Variants in LHFPL1 observed in about 807,000 individuals in gnomAD.
LHFPL1 encodes LHFPL tetraspan subfamily member 1 protein.
LHFPL1 carries 4 observed loss-of-function variants against 12.1 expected under a neutral mutation model. The observed-to-expected ratio is 0.33, with a 90% CI of 0.16 to 0.76. LHFPL1 has a LOEUF of 0.76. LHFPL1 is among the 30% of genes least tolerant of loss of function. The pLI, the probability that LHFPL1 is intolerant of heterozygous loss-of-function variation, is 0.61. For missense variants in LHFPL1, 141 were observed against 174.1 expected, an observed-to-expected ratio of 0.81 and a Z score of 1.07; for synonymous variants, 52 against 61.9, an observed-to-expected ratio of 0.84 and a Z score of 0.75.
chrX:112,645,606 T>G (rs1247085648), intron 3 of LHFPL1, among the ~76,000 whole-genome samples: 1 of 111,762 alleles, frequency 8.9e-6, no homozygotes, highest in Non-Finnish European at 1.9e-5. Context: ...AATGTAGCTA[T>G]GCAAAAGCCC....
intron 3 of LHFPL1, 52 bp downstream of exon 3, chrX:112,660,575 G>T: frequency 9.7e-7 from 1 of 1,035,858 alleles, no homozygotes; most frequent in Non-Finnish European, 1.4e-6. Context: ...AAAGCACTTT[G>T]GAAAACACAT....
intron 3 of LHFPL1, among the ~76,000 whole-genome samples, chrX:112,657,968 G>A (rs1049432190): frequency 9.2e-6 from 1 of 108,271 alleles, no homozygotes; most frequent in East Asian, 2.9e-4. Flanking sequence ...AATTATTTTT[G>A]TACTTCAAAG....
chrX:112,638,372 G>A (rs1022121004), intron 3 of LHFPL1, among the ~76,000 whole-genome samples: 1 of 111,388 alleles, frequency 9.0e-6, no homozygotes, highest in Non-Finnish European at 1.9e-5. Context: ...TGACCTGGGG[G>A]CCTTGATGGC....
chrX:112,657,317 T>C (rs188418429), intron 3 of LHFPL1, among the ~76,000 whole-genome samples: 2 of 112,166 alleles, frequency 1.8e-5, no homozygotes, highest in East Asian at 5.6e-4. Context: ...GAAAGTCATC[T>C]CAGGTTCATG....
At chrX:112,655,853 G>A (rs745312280) in intron 3 of LHFPL1, among the ~76,000 whole-genome samples, 12 of 111,840 alleles carry the variant, frequency 1.1e-4, no homozygotes, top group Non-Finnish European at 1.7e-4. Context: ...ACAAGCATGA[G>A]CCACTGCACT....
At position 112,671,021 on chromosome X, in the gene LHFPL1, GC is replaced by G; in HGVS notation, c.369del (p.Gln124SerfsTer7). Reference sequence around the variant, plus strand: ...AGCACAGTCTTACCTCCAACAAACTGCGCTGCTCCCATGCAACGTCCCATCA... The same window carrying G: ...AGCACAGTCTTACCTCCAACAAACTGGCTGCTCCCATGCAACGTCCCATCA... ...SRMMGRCMGA[A>X]QFVGGLLISS... is the part of the protein sequence containing the mutation. On this transcript the variant is annotated frameshift_variant, in exon 2 of 4. Transcript: ENST00000371968. LOFTEE classifies it high-confidence loss of function. 1 of 1,209,428 alleles carries G rather than the reference GC, an allele frequency of 8.3e-7. No homozygotes were observed. Among genetic ancestry groups the G allele is most frequent in the Non-Finnish European group, 1.1e-6 (1 of 893,977 alleles).
intron 2 of LHFPL1, among the ~76,000 whole-genome samples, chrX:112,667,225 C>T (rs1306155667): frequency 8.9e-6 from 1 of 111,768 alleles, no homozygotes; most frequent in African/African-American, 3.3e-5. Context: ...AATATTAGGA[C>T]CTTACATGGA....
At chrX:112,678,314 T>A (rs1490117296) in intron 1 of LHFPL1, among the ~76,000 whole-genome samples, 1 of 111,593 alleles carries the variant, frequency 9.0e-6, no homozygotes, top group African/African-American at 3.3e-5. Flanking sequence ...TCCTATGATT[T>A]TAAAAGTGAG....
intron 3 of LHFPL1, among the ~76,000 whole-genome samples, chrX:112,639,317 G>A (rs1602666359): frequency 1.8e-5 from 2 of 111,389 alleles, no homozygotes; most frequent in African/African-American, 6.6e-5. Flanking sequence ...TCCTTTGCCA[G>A]AGAAGAAGAA....
At chrX:112,636,781 A>G (rs904447785) in intron 3 of LHFPL1, among the ~76,000 whole-genome samples, 5 of 112,439 alleles carry the variant, frequency 4.4e-5, no homozygotes, top group Admixed American at 3.8e-4. Flanking sequence ...AAGACGTCAC[A>G]TTAAGACCAG....
rs16987037 is a variant in LHFPL1 at position 112,644,048 on chromosome X, G to C, written c.482-12447C>G. On this transcript the variant is annotated intron_variant, in intron 3 of 3. Coordinates refer to ENST00000371968, the MANE Select transcript of LHFPL1 (RefSeq NM_178175.4). ...CTCAGCACAGCTTCTTCTCTGGCTG[G>C]ATACTCCTCTCTGTGTGGGCTAGAT... Among the ~76,000 whole-genome samples, 967 of 112,065 alleles carry C rather than the reference G, an allele frequency of 8.6e-3. 14 individuals carry two copies. The highest frequency in any genetic ancestry group is 0.03 in the African/African-American group (914 of 30,816).
intron 3 of LHFPL1, among the ~76,000 whole-genome samples, chrX:112,642,401 T>C (rs1930538081): frequency 9.7e-6 from 1 of 103,159 alleles, no homozygotes; most frequent in South Asian, 5.3e-4. Context: ...GAGACGGGGC[T>C]TCACCATGTT....
chrX:112,657,567 T>C (rs982779519), intron 3 of LHFPL1, among the ~76,000 whole-genome samples: 2 of 112,215 alleles, frequency 1.8e-5, no homozygotes, highest in African/African-American at 6.5e-5. Context: ...AGTGTGGTAC[T>C]GGCATAGGAA....
At position 112,670,595 on chromosome X, in the gene LHFPL1, G is replaced by T. The variant is rs187480846; in HGVS notation, c.382+414C>A. Among the ~76,000 whole-genome samples, 3 of 112,605 alleles carry T rather than the reference G, an allele frequency of 2.7e-5. No homozygotes were observed. In the East Asian group the frequency reaches 8.4e-4, roughly 32 times the overall value. ...GTTAGTAATTTGCACCTGTGTGTAT[G>T]TGTTTATTAGATCACTGTTCTCTGA... On this transcript the variant is annotated intron_variant, in intron 2 of 3. Transcript: ENST00000371968.
chrX:112,657,281 G>T (rs2147716385), intron 3 of LHFPL1, among the ~76,000 whole-genome samples: 1 of 111,922 alleles, frequency 8.9e-6, no homozygotes, highest in South Asian at 3.7e-4. Context: ...ATCATTCAAA[G>T]GAATTCAAAG....
intron 3 of LHFPL1, among the ~76,000 whole-genome samples, chrX:112,645,858 G>T: frequency 1.8e-5 from 2 of 111,755 alleles, no homozygotes; most frequent in Non-Finnish European, 3.8e-5. Flanking sequence ...CAGGGCTGTT[G>T]CAAGGAGCCT....
At chrX:112,668,042 T>C (rs1056442309) in intron 2 of LHFPL1, among the ~76,000 whole-genome samples, 3 of 110,936 alleles carry the variant, frequency 2.7e-5, no homozygotes, top group Non-Finnish European at 5.7e-5. Context: ...CTGACAAAAA[T>C]TGACTACTCC....
intron 3 of LHFPL1, 146 bp from the exon 4 acceptor site, chrX:112,631,747 G>A (rs773485230): frequency 1.6e-4 from 62 of 389,656 alleles, no homozygotes; most frequent in African/African-American, 1.3e-3. Context: ...AGGAAACAGC[G>A]AATGTCCCTG....
intron 2 of LHFPL1, among the ~76,000 whole-genome samples, chrX:112,665,033 C>T (rs991649164): frequency 1.8e-5 from 2 of 111,821 alleles, no homozygotes; most frequent in African/African-American, 6.5e-5. Context: ...ATGTTAAGAG[C>T]AGAAGCTCTG....
Sources: gnomAD v4.1 joint callset for allele counts (sites outside exome capture counted in the v4.1 genomes callset) on GRCh38, gnomAD v4.1.1 for gene constraint, MANE v1.5 for transcripts, NCBI Gene and HGNC (gene_info 2026-07-23, HGNC 2026-07-21) for gene names.